The following PTH2R variants were observed in gnomAD, a reference collection of about 807,000 sequenced individuals.
PTH2R encodes parathyroid hormone 2 receptor, also known as PTH2 receptor.
Under a neutral mutation model 60.3 loss-of-function variants are expected in PTH2R, and 59 were observed. The ratio of observed to expected loss-of-function variants is 0.98; its 90% CI spans 0.79 to 1.22. PTH2R has a LOEUF of 1.22. Among genes scored for constraint, PTH2R ranks in the 50% most tolerant of loss-of-function variants. PTH2R has a pLI of 0.00. For missense variants in PTH2R, 749 were observed against 682.6 expected, an observed-to-expected ratio of 1.10 and a Z score of -1.08; for synonymous variants, 256 against 243.8, an observed-to-expected ratio of 1.05 and a Z score of -0.47.
chr2:208,450,639 A>AT, intron 7 of PTH2R, 110 bp from the exon 8 acceptor site: 1 of 1,086,878 alleles, frequency 9.2e-7, no homozygotes, highest in African/African-American at 1.6e-5. Context: ...TTTCATGTCT[A>AT]TTTTTATCTC....
chr2:208,449,237 C>G (rs1368111634), intron 7 of PTH2R, among the ~76,000 whole-genome samples: 1 of 152,196 alleles, frequency 6.6e-6, no homozygotes, highest in Admixed American at 6.5e-5. Flanking sequence ...GTCCCCTCCC[C>G]ATTACATAGT....
rs61744730 is a variant in PTH2R at position 208,442,379 on chromosome 2, C to T, written c.427C>T (p.Arg143Cys). The T allele has an allele frequency of 0.016, 25,434 of 1,610,842 alleles. 233 individuals carry two copies. Among genetic ancestry groups the T allele is most frequent in the Non-Finnish European group, 0.018 (21,412 of 1,177,266 alleles). ...TCCCTTGCAGCAAGAATTCTTTGAA[C>T]GCCTCTATGTAATGTATACCGTTGG... The part of the protein sequence containing the change: ...ISIGKQEFFE[R>C]LYVMYTVGYS... The change falls in exon 5 of 13, where the codon CGC becomes TGC. Residue 143 changes from arginine to cysteine, a missense_variant. By Grantham distance (180) the Arg-to-Cys change is radical. Coordinates refer to ENST00000272847, the MANE Select transcript of PTH2R (RefSeq NM_005048.4).
chr2:208,387,464 A>G (rs1043785699), intron 1 of PTH2R, among the ~76,000 whole-genome samples: 1 of 152,194 alleles, frequency 6.6e-6, no homozygotes, highest in Non-Finnish European at 1.5e-5. Flanking sequence ...AAATGTCTCC[A>G]TCATACTATA....
chr2:208,463,345 C>A (rs1312646955), intron 9 of PTH2R, among the ~76,000 whole-genome samples: 1 of 152,056 alleles, frequency 6.6e-6, no homozygotes, highest in Non-Finnish European at 1.5e-5. Context: ...CCTTCAGGTC[C>A]CAGCTTACGG....
At chr2:208,374,183 A>T (rs1054020933) in intron 1 of PTH2R, among the ~76,000 whole-genome samples, 1 of 152,038 alleles carries the variant, frequency 6.6e-6, no homozygotes, top group Non-Finnish European at 1.5e-5. Flanking sequence ...GAAGACAGAC[A>T]AGTGAAAGAG....
At chr2:208,382,046 A>G (rs1326572952) in intron 1 of PTH2R, among the ~76,000 whole-genome samples, 1 of 152,108 alleles carries the variant, frequency 6.6e-6, no homozygotes, top group Non-Finnish European at 1.5e-5. Flanking sequence ...CACAGTCAAG[A>G]AGAATTAATA....
At chr2:208,447,606 A>AAAATAAATAAAT (rs55709644) in intron 7 of PTH2R, among the ~76,000 whole-genome samples, 3 of 140,236 alleles carry the variant, frequency 2.1e-5, no homozygotes, top group Non-Finnish European at 3.1e-5. Context: ...AACAAAAAGA[A>AAAATAAATAAAT]AAATAAATAA....
chr2:208,384,628 A>G (rs1574826440), intron 1 of PTH2R, among the ~76,000 whole-genome samples: 1 of 152,310 alleles, frequency 6.6e-6, no homozygotes, highest in East Asian at 1.9e-4. Context: ...TTTTTTTTCT[A>G]TTAGATAGAC....
In PTH2R at chr2:208,369,366, C is replaced by CTTTTTTTTTTTT. The variant is rs34110985; in HGVS notation, c.-259+9130_-259+9131insTTTTTTTTTTTT. On this transcript the variant is annotated intron_variant, in intron 1 of 12. Transcript: ENST00000617735. Reference sequence around the variant, plus strand: ...TTGTCTGTAAACAACACTGGTCTCTCTCTCTTTTTTTTTTTTTTTAGAAGG... The same window carrying CTTTTTTTTTTTT: ...TTGTCTGTAAACAACACTGGTCTCTCTTTTTTTTTTTTTCTCTTTTTTTTTTTTTTTAGAAGG... 2.2e-5 allele frequency among the ~76,000 whole-genome samples: 3 copies of CTTTTTTTTTTTT among 135,074 alleles called. 1 individual carries two copies. The highest frequency in any genetic ancestry group is 2.9e-5 in the African/African-American group (1 of 34,828). The allele number at this position is 135,074 out of a possible 152,430, so 88.6% of individuals were successfully genotyped here.
chr2:208,443,321 T>G, intron 5 of PTH2R, 27 bp from the exon 6 acceptor site: 12 of 1,486,866 alleles, frequency 8.1e-6, no homozygotes, highest in Non-Finnish European at 1.1e-5. Flanking sequence ...TTATCCAAAT[T>G]TAAATACTGA....
Position 208,437,874 on chromosome 2 carries a change from TA to T in PTH2R, c.405del (p.Ile135MetfsTer12). The T allele has an allele frequency of 1.2e-6, 2 of 1,611,878 alleles. No homozygotes were observed. Among genetic ancestry groups the T allele is most frequent in the Non-Finnish European group, 1.7e-6 (2 of 1,178,148 alleles). On this transcript the variant is annotated frameshift_variant, in exon 4 of 13. Coordinates refer to ENST00000272847, the MANE Select transcript of PTH2R (RefSeq NM_005048.4). LOFTEE classifies it high-confidence loss of function. ...CGCTTTCTGCAGCCAGATATCAGCA[TA>T]GGAAAGGTAATGGAATTTCTCTATT... is the stretch of plus-strand genomic sequence containing the variant. ...CLRFLQPDIS[I>X]GKQEFFERLY... is the part of the protein sequence containing the mutation.
At chr2:208,390,831 CA>C (rs1165988562) in intron 1 of PTH2R, among the ~76,000 whole-genome samples, 1 of 152,146 alleles carries the variant, frequency 6.6e-6, no homozygotes, top group East Asian at 1.9e-4. Context: ...GTAGAAATGA[CA>C]AAAAGTATTT....
At chr2:208,416,877 C>A (rs572796450) in intron 1 of PTH2R, among the ~76,000 whole-genome samples, 1 of 152,194 alleles carries the variant, frequency 6.6e-6, no homozygotes, top group Non-Finnish European at 1.5e-5. Flanking sequence ...AGTTTTGGAA[C>A]TCAGACTGGC....
At chr2:208,463,805 G>C (rs1258105911) in intron 9 of PTH2R, among the ~76,000 whole-genome samples, 1 of 152,204 alleles carries the variant, frequency 6.6e-6, no homozygotes, top group Non-Finnish European at 1.5e-5. Context: ...TCAGGAAGTG[G>C]CTGTTCAGAC....
chr2:208,478,640 A>G (rs909265100), intron 9 of PTH2R, among the ~76,000 whole-genome samples: 97 of 152,270 alleles, frequency 6.4e-4, no homozygotes, highest in African/African-American at 2.1e-3. Context: ...AAATTTGGTT[A>G]TATTTTAGAT....
chr2:208,437,738 A>G (rs1702103852), intron 3 of PTH2R, 22 bp from the exon 4 acceptor site: 1 of 1,608,452 alleles, frequency 6.2e-7, no homozygotes, highest in South Asian at 1.1e-5. Context: ...GAGCGATCTC[A>G]GCATCTTTCA....
chr2:208,465,415 T>G (rs1574898316), intron 9 of PTH2R, among the ~76,000 whole-genome samples: 1 of 133,678 alleles, frequency 7.5e-6, no homozygotes, highest in African/African-American at 2.8e-5. Context: ...TTTTTTTTTT[T>G]TTTTTGTGAT....
intron 1 of PTH2R, among the ~76,000 whole-genome samples, chr2:208,379,936 T>C (rs1314526186): frequency 6.6e-6 from 1 of 151,848 alleles, no homozygotes; most frequent in African/African-American, 2.4e-5. Context: ...ATCTCCAGAA[T>C]AGAAAAATTC....
At chr2:208,460,970 T>C (rs1206396529) in intron 9 of PTH2R, among the ~76,000 whole-genome samples, 1 of 152,134 alleles carries the variant, frequency 6.6e-6, no homozygotes, top group African/African-American at 2.4e-5. Context: ...GTTGAGGTAT[T>C]GTAACCTCAT....
Sources: allele counts gnomAD v4.1 joint callset (sites outside exome capture counted in the v4.1 genomes callset), GRCh38; gene constraint gnomAD v4.1.1; transcripts MANE v1.5; gene names NCBI Gene and HGNC (gene_info 2026-07-23, HGNC 2026-07-21).